The following TEKT5 variants were observed in gnomAD, a reference collection of about 807,000 sequenced individuals.
The protein encoded by TEKT5 is tektin-5.
Under a neutral mutation model 48.7 loss-of-function variants are expected in TEKT5, and 52 were observed. The ratio of observed to expected loss-of-function variants is 1.07; its 90% CI spans 0.86 to 1.35. TEKT5 has a LOEUF of 1.35. TEKT5 is among the 40% of genes most tolerant of loss of function. The probability of loss-of-function intolerance (pLI) is 0.00; values close to 1 mark genes in which losing one functional copy is unlikely to be tolerated. For missense variants in TEKT5, 831 were observed against 641.6 expected (o/e 1.30, Z -3.19); for synonymous variants, 318 against 267.6 (o/e 1.19, Z -1.84).
intron 5 of TEKT5, among the ~76,000 whole-genome samples, chr16:10,669,562 C>T (rs546947909): frequency 2.6e-4 from 40 of 152,306 alleles, no homozygotes; most frequent in Non-Finnish European, 4.6e-4. Context: ...GAATAACCTT[C>T]TCATTGTATG....
intron 4 of TEKT5, among the ~76,000 whole-genome samples, chr16:10,677,086 G>A (rs141789454): frequency 0.02 from 3,058 of 152,274 alleles, 109 homozygotes; most frequent in African/African-American, 0.069. Flanking sequence ...AGCTACTTGG[G>A]AGGCGGAGGT....
chr16:10,652,955 T>A (rs1477350273), intron 5 of TEKT5, among the ~76,000 whole-genome samples: 1 of 151,834 alleles, frequency 6.6e-6, no homozygotes, highest in East Asian at 1.9e-4. Context: ...GGTAGAACAA[T>A]CTCTTATATA....
intron 5 of TEKT5, among the ~76,000 whole-genome samples, chr16:10,651,707 C>T (rs1458855460): frequency 6.6e-6 from 1 of 152,152 alleles, no homozygotes; most frequent in Non-Finnish European, 1.5e-5. Flanking sequence ...CACCTGTAAT[C>T]CCAGCACTTT....
chr16:10,667,432 G>A (rs545763961), intron 5 of TEKT5, among the ~76,000 whole-genome samples: 8 of 152,222 alleles, frequency 5.3e-5, no homozygotes, highest in African/African-American at 1.9e-4. Flanking sequence ...GTTCAAATAA[G>A]GCAAACAAAC....
chr16:10,676,509 C>A (rs950541026), intron 4 of TEKT5, among the ~76,000 whole-genome samples: 5 of 152,110 alleles, frequency 3.3e-5, no homozygotes, highest in African/African-American at 7.2e-5. Context: ...CTAAAGAGAG[C>A]AGCTGGTTGG....
At position 10,674,637 on chromosome 16, in the gene TEKT5, A is replaced by C. The variant is rs1401734149; in HGVS notation, c.1086+1322T>G. 4.0e-3 allele frequency among the ~76,000 whole-genome samples: 571 copies of C among 144,308 alleles called. 8 individuals are homozygous for C. The highest frequency in any genetic ancestry group is 0.014 in the African/African-American group (549 of 40,302). The allele number at this position is 144,308 out of a possible 152,430, so 94.7% of individuals were successfully genotyped here. The stretch of plus-strand genomic sequence containing the variant: ...TCTCAGAAAAAAAAAAAAAAAAAAA[A>C]AAAACAGAGAGAGAAGAAAAGAAAA... On this transcript the variant is annotated intron_variant, in intron 5 of 6. Transcript: ENST00000283025.
intron 6 of TEKT5, among the ~76,000 whole-genome samples, chr16:10,631,693 T>A (rs1010199871): frequency 6.6e-6 from 1 of 151,794 alleles, no homozygotes; most frequent in South Asian, 2.1e-4. Context: ...GTTTGAGACA[T>A]GGAGACATGC....
At chr16:10,689,081 C>T (rs1055553510) in intron 3 of TEKT5, among the ~76,000 whole-genome samples, 172 bp downstream of exon 3, 5 of 151,942 alleles carry the variant, frequency 3.3e-5, no homozygotes, top group Non-Finnish European at 7.4e-5. Flanking sequence ...ATACTATGAT[C>T]AGGACTCTTT....
intron 4 of TEKT5, among the ~76,000 whole-genome samples, chr16:10,679,820 C>T (rs535212192): frequency 6.6e-6 from 1 of 152,270 alleles, no homozygotes; most frequent in African/African-American, 2.4e-5. Context: ...TCGCTTGAAC[C>T]CAGGAGATGG....
At chr16:10,657,829 T>A (rs1898288808) in intron 5 of TEKT5, among the ~76,000 whole-genome samples, 1 of 151,470 alleles carries the variant, frequency 6.6e-6, no homozygotes, top group Non-Finnish European at 1.5e-5. Flanking sequence ...CTCGATCTCC[T>A]GACCTCGTGA....
chr16:10,665,721 A>T (rs189252162), intron 5 of TEKT5, among the ~76,000 whole-genome samples: 2 of 152,296 alleles, frequency 1.3e-5, no homozygotes, highest in Admixed American at 1.3e-4. Flanking sequence ...GGGTCCATCC[A>T]GGCACACACC....
intron 6 of TEKT5, among the ~76,000 whole-genome samples, chr16:10,628,571 T>A (rs1302550618): frequency 6.6e-6 from 1 of 152,150 alleles, no homozygotes. Flanking sequence ...CACAATGTAA[T>A]CGAGCCACAG....
chr16:10,688,292 A>T (rs4780981), intron 3 of TEKT5, among the ~76,000 whole-genome samples: 30,557 of 152,152 alleles, frequency 0.2, 3,967 homozygotes, highest in East Asian at 0.53. Flanking sequence ...TCTTTGCTCT[A>T]TGGGTAGCTT....
intron 4 of TEKT5, among the ~76,000 whole-genome samples, chr16:10,677,153 T>G (rs1364763550): frequency 2.6e-5 from 4 of 152,144 alleles, no homozygotes; most frequent in African/African-American, 9.7e-5. Context: ...ATCGCACCAC[T>G]GCACTCCAGC....
At chr16:10,647,471 CAAA>C (rs35976644) in intron 5 of TEKT5, among the ~76,000 whole-genome samples, 21 of 114,212 alleles carry the variant, frequency 1.8e-4, no homozygotes, top group South Asian at 2.8e-4. Context: ...GACCCTGTCT[CAAA>C]AAAAAAAAAA....
chr16:10,689,300 G>A lies in TEKT5; in HGVS notation c.672C>T (p.Cys224=). 1 of 1,613,118 alleles carries A rather than the reference G, an allele frequency of 6.2e-7. No homozygotes were observed. The highest frequency in any genetic ancestry group is 8.5e-7 in the Non-Finnish European group (1 of 1,179,770). The change falls in exon 3 of 7, where the codon TGC becomes TGT. Residue 224 remains cysteine, a synonymous_variant. Transcript: ENST00000283025. ...LIREVDLLKC[C]QEQMRKLAQR... ...GAGCTAATTTTCTCATCTGTTCTTG[G>A]CAACATTTTAGCAAATCCACTTCCT... is the stretch of plus-strand genomic sequence containing the variant.
At chr16:10,684,287 C>A (rs1567235872) in intron 3 of TEKT5, among the ~76,000 whole-genome samples, 1 of 152,146 alleles carries the variant, frequency 6.6e-6, no homozygotes, top group Non-Finnish European at 1.5e-5. Flanking sequence ...CTCTCTCCCT[C>A]CCTTCTTGTG....
chr16:10,640,127 C>CTTCCTCCCCCCCCT (rs1897973995), intron 5 of TEKT5, among the ~76,000 whole-genome samples: 1 of 131,170 alleles, frequency 7.6e-6, no homozygotes, highest in Non-Finnish European at 1.6e-5. Flanking sequence ...CTCCTCCCCC[C>CTTCCTCCCCCCCCT]TTCCTCCTCC....
Position 10,677,281 on chromosome 16 carries a change from T to G in TEKT5, c.864-1100A>C, listed in dbSNP as rs1309077230. ...GGGTTGTAAACGGGAATAGATGGAATACTCGGAAGGGTGTTGAGATCGTCT... is the reference window on the plus strand; with the variant it reads ...GGGTTGTAAACGGGAATAGATGGAAGACTCGGAAGGGTGTTGAGATCGTCT... On this transcript the variant is annotated intron_variant, in intron 4 of 6. Coordinates refer to ENST00000283025, the MANE Select transcript of TEKT5 (RefSeq NM_144674.2). Among the ~76,000 whole-genome samples, 2 of 102,042 alleles carry G rather than the reference T, an allele frequency of 2.0e-5. 1 individual carries two copies. The highest frequency in any genetic ancestry group is 1.3e-4 in the African/African-American group (2 of 15,492). 66.9% of individuals were successfully genotyped at this position (102,042 alleles called of 152,430 possible).
Sources: allele counts gnomAD v4.1 joint callset (sites outside exome capture counted in the v4.1 genomes callset), GRCh38; gene constraint gnomAD v4.1.1; transcripts MANE v1.5; gene names NCBI Gene and HGNC (gene_info 2026-07-23, HGNC 2026-07-21).